MAP2K1: variants seen among roughly 807,000 people sequenced by gnomAD.
The protein encoded by MAP2K1 is dual specificity mitogen-activated protein kinase kinase 1.
In MAP2K1, 16 loss-of-function variants were observed where a neutral mutation model predicts 46.3. The ratio of observed to expected loss-of-function variants is 0.35; its 90% CI spans 0.23 to 0.52. The LOEUF (loss-of-function observed/expected upper bound fraction) is 0.52. Ranked by LOEUF, MAP2K1 falls within the 20% of genes least tolerant of loss-of-function variation. The pLI is 0.94. For synonymous variants in MAP2K1, 183 were observed against 185.6 expected, an observed-to-expected ratio of 0.99 and a Z score of 0.11; for missense variants, 263 against 497.1, an observed-to-expected ratio of 0.53 and a Z score of 4.48.
intron 5 of MAP2K1, among the ~76,000 whole-genome samples, chr15:66,464,131 A>C (rs931734547): frequency 6.6e-6 from 1 of 152,174 alleles, no homozygotes; most frequent in African/African-American, 2.4e-5. Flanking sequence ...CTTTTGAGAA[A>C]GCATTTTAGA....
At chr15:66,428,937 G>A (rs11636482) in intron 1 of MAP2K1, among the ~76,000 whole-genome samples, 16,034 of 151,548 alleles carry the variant, frequency 0.11, 1,075 homozygotes, top group Non-Finnish European at 0.15. Context: ...ACGCCACCAC[G>A]CCTGGCTAAT....
chr15:66,413,905 C>CTTT (rs2093417754), intron 1 of MAP2K1, among the ~76,000 whole-genome samples: 1 of 59,116 alleles, frequency 1.7e-5, no homozygotes, highest in Non-Finnish European at 3.4e-5. Flanking sequence ...TTTTTTTCTT[C>CTTT]TTCTTCTTTT....
At chr15:66,441,257 C>T (rs1325616494) in intron 3 of MAP2K1, among the ~76,000 whole-genome samples, 1 of 152,182 alleles carries the variant, frequency 6.6e-6, no homozygotes. Flanking sequence ...TGAGCCACTG[C>T]ACCTGGTTTG....
chr15:66,428,326 A>T (rs1041616496), intron 1 of MAP2K1, among the ~76,000 whole-genome samples: 1 of 65,830 alleles, frequency 1.5e-5, no homozygotes. Context: ...GTGTGTGTGT[A>T]TGAGAGGGTT....
At chr15:66,463,757 T>G (rs1892390491) in intron 5 of MAP2K1, among the ~76,000 whole-genome samples, 1 of 152,202 alleles carries the variant, frequency 6.6e-6, no homozygotes, top group Non-Finnish European at 1.5e-5. Flanking sequence ...GTGCTGGGAT[T>G]ACAGGCGTGA....
chr15:66,466,305 A>G (rs772211374), intron 5 of MAP2K1, among the ~76,000 whole-genome samples: 1 of 152,250 alleles, frequency 6.6e-6, no homozygotes, highest in Non-Finnish European at 1.5e-5. Flanking sequence ...ATACTCCCAC[A>G]TAGTTTCCAA....
intron 1 of MAP2K1, among the ~76,000 whole-genome samples, chr15:66,426,697 A>G (rs1319000048): frequency 6.6e-6 from 1 of 152,236 alleles, no homozygotes; most frequent in Non-Finnish European, 1.5e-5. Context: ...GTGCCTGCGA[A>G]ATAGGTGTGA....
At chr15:66,392,253 GGGTTTTTT>G (rs1418590717) in intron 1 of MAP2K1, among the ~76,000 whole-genome samples, 79 of 108,948 alleles carry the variant, frequency 7.3e-4, no homozygotes, top group Admixed American at 1.5e-3. Flanking sequence ...TGTTTTTTTT[GGGTTTTTT>G]TTTTTTTTTT....
chr15:66,473,844 A>AT (rs1307084196), intron 5 of MAP2K1, among the ~76,000 whole-genome samples: 2 of 151,700 alleles, frequency 1.3e-5, no homozygotes, highest in Non-Finnish European at 1.5e-5. Flanking sequence ...TGCCTGGATA[A>AT]TTTTTTTTGG....
At chr15:66,432,245 A>G (rs1447016140) in intron 1 of MAP2K1, among the ~76,000 whole-genome samples, 4 of 152,240 alleles carry the variant, frequency 2.6e-5, no homozygotes, top group South Asian at 2.1e-4. Flanking sequence ...ACCCCAGCCT[A>G]TAGTCTTTGT....
At chr15:66,395,118 C>T (rs752712922) in intron 1 of MAP2K1, among the ~76,000 whole-genome samples, 1 of 152,172 alleles carries the variant, frequency 6.6e-6, no homozygotes, top group Non-Finnish European at 1.5e-5. Flanking sequence ...GCATATGTTC[C>T]AAGACCCCTA....
chr15:66,469,472 CTTT>C (rs370379739), intron 5 of MAP2K1, among the ~76,000 whole-genome samples: 14 of 76,600 alleles, frequency 1.8e-4, no homozygotes, highest in Non-Finnish European at 2.5e-4. Context: ...CTGGTGCCTC[CTTT>C]TTTTTTTTTT....
intron 5 of MAP2K1, among the ~76,000 whole-genome samples, chr15:66,462,202 A>G (rs1449362471): frequency 6.6e-6 from 1 of 152,116 alleles, no homozygotes; most frequent in Non-Finnish European, 1.5e-5. Flanking sequence ...GCTGGGGGTT[A>G]TAATGAAATA....
In MAP2K1 at chr15:66,419,528, A is replaced by G. The variant is rs2093432525; in HGVS notation, c.81-15499A>G. On this transcript the variant is annotated intron_variant, in intron 1 of 10. Coordinates refer to ENST00000307102, the MANE Select transcript of MAP2K1 (RefSeq NM_002755.4). ...GGAGCGAGACTCCATCTCAAAAAAA[A>G]AAAAATTTCATATGCGGCTAATATG... is the stretch of plus-strand genomic sequence containing the variant. 2.0e-5 allele frequency among the ~76,000 whole-genome samples: 3 copies of G among 152,210 alleles called. No homozygotes were observed. The South Asian group carries it at 6.2e-4, about 32-fold the overall frequency.
intron 1 of MAP2K1, among the ~76,000 whole-genome samples, chr15:66,417,109 TC>T (rs1459825199): frequency 1.3e-5 from 2 of 152,112 alleles, no homozygotes; most frequent in African/African-American, 4.8e-5. Flanking sequence ...AAGACTTATT[TC>T]CCCACCCCAC....
intron 1 of MAP2K1, among the ~76,000 whole-genome samples, chr15:66,405,918 C>T (rs1000519140): frequency 1.3e-5 from 2 of 152,192 alleles, no homozygotes; most frequent in East Asian, 3.8e-4. Flanking sequence ...ATTTGTCTTC[C>T]AAAGGAGACC....
At position 66,491,323 on chromosome 15, in the gene MAP2K1, T is replaced by C; in HGVS notation, c.*708T>C. 4.3e-6 allele frequency: 1 copy of C among 234,058 alleles called. No individual in the cohort carries two copies. Among genetic ancestry groups the C allele is most frequent in the Non-Finnish European group, 8.4e-6 (1 of 118,432 alleles). The allele number at this position is 234,058 out of a possible 1,614,324, so 14.5% of individuals were successfully genotyped here. On this transcript the variant is annotated 3_prime_UTR_variant, in exon 11 of 11. Coordinates refer to ENST00000307102, the MANE Select transcript of MAP2K1 (RefSeq NM_002755.4). ...ATGTCTCTTTAAGTTTTGATTAATG[T>C]TTCTTAAATGGAATTATTTTGAATG...
At chr15:66,477,825 C>T (rs74022016) in intron 5 of MAP2K1, among the ~76,000 whole-genome samples, 16,037 of 152,152 alleles carry the variant, frequency 0.11, 1,039 homozygotes, top group East Asian at 0.33. Flanking sequence ...CTTGGTGTGC[C>T]GCCCCAGCAG....
Position 66,489,260 on chromosome 15 carries a change from G to C in MAP2K1, c.1006G>C (p.Asp336His), listed in dbSNP as rs754765552. 6.2e-7 allele frequency: 1 copy of C among 1,614,102 alleles called. No individual in the cohort carries two copies. Among genetic ancestry groups the C allele is most frequent in the Non-Finnish European group, 8.5e-7 (1 of 1,179,978 alleles). ...TGGAGTGTTCAGTCTGGAATTTCAA[G>C]ATTTTGTGAATAAATGGTAAGTTGG... ...PSGVFSLEFQDFVNKCLIKNP... is the reference protein window; with the variant it reads ...PSGVFSLEFQHFVNKCLIKNP... Residue 336 changes from aspartate to histidine, a missense_variant, in exon 9 of 11, where the codon GAT becomes CAT. Asp to His is a moderately conservative substitution (Grantham distance 81). Coordinates refer to ENST00000307102, the MANE Select transcript of MAP2K1 (RefSeq NM_002755.4).
Sources: gnomAD v4.1 joint callset for allele counts (sites outside exome capture counted in the v4.1 genomes callset) on GRCh38, gnomAD v4.1.1 for gene constraint, MANE v1.5 for transcripts, NCBI Gene and HGNC (gene_info 2026-07-23, HGNC 2026-07-21) for gene names.